TMEM131: variants seen among roughly 807,000 people sequenced by gnomAD.
The protein encoded by TMEM131 is 2610524E03Rik.
TMEM131 carries 66 observed loss-of-function variants against 211.6 expected under a neutral mutation model. The ratio of observed to expected loss-of-function variants is 0.31; its 90% CI spans 0.26 to 0.38. The LOEUF (loss-of-function observed/expected upper bound fraction) is 0.38. Ranked by LOEUF, TMEM131 falls within the 10% of genes least tolerant of loss-of-function variation. TMEM131 has a pLI of 1.00. For synonymous variants in TMEM131, 844 were observed against 841.3 expected (o/e 1.00, Z -0.06); for missense variants, 2,036 against 2,299.3 (o/e 0.89, Z 2.34).
chr2:97,836,178 C>T (rs951370199), intron 8 of TMEM131, among the ~76,000 whole-genome samples: 9 of 152,156 alleles, frequency 5.9e-5, no homozygotes, highest in Non-Finnish European at 1.0e-4. Flanking sequence ...TTTCTATATT[C>T]TGGGAATTAA....
At chr2:97,841,600 A>T (rs1210804504) in intron 7 of TMEM131, among the ~76,000 whole-genome samples, 1 of 151,846 alleles carries the variant, frequency 6.6e-6, no homozygotes, top group Non-Finnish European at 1.5e-5. Flanking sequence ...TGATTCAAAA[A>T]ATTCAAAATC....
At position 97,995,784 on chromosome 2, in the gene TMEM131, G is replaced by T; in HGVS notation, c.-122C>A. The T allele has an allele frequency of 1.5e-6, 1 of 688,644 alleles. No individual in the cohort carries two copies. The highest frequency in any genetic ancestry group is 1.9e-6 in the Non-Finnish European group (1 of 525,596). The allele number at this position is 688,644 out of a possible 1,614,324, so 42.7% of individuals were successfully genotyped here. ...GCGCCGGGAGCGACAACGGTTGCGA[G>T]CCCGGGGCTCGATCTCCGAGCGTGG... is the stretch of plus-strand genomic sequence containing the variant. On this transcript the variant is annotated 5_prime_UTR_variant, in exon 1 of 41. Coordinates refer to ENST00000186436, the MANE Select transcript of TMEM131 (RefSeq NM_015348.2).
chr2:97,909,268 T>C (rs1676200403), intron 2 of TMEM131, among the ~76,000 whole-genome samples: 2 of 152,128 alleles, frequency 1.3e-5, no homozygotes, highest in South Asian at 4.2e-4. Context: ...TGGATGGTGG[T>C]AGAGAAAACA....
At chr2:97,889,887 G>A (rs1675310785) in intron 3 of TMEM131, among the ~76,000 whole-genome samples, 1 of 152,160 alleles carries the variant, frequency 6.6e-6, no homozygotes, top group South Asian at 2.1e-4. Flanking sequence ...CTCCTAGTAG[G>A]GGGAACAAAA....
chr2:97,931,922 A>G (rs2104457655), intron 1 of TMEM131, among the ~76,000 whole-genome samples: 1 of 152,300 alleles, frequency 6.6e-6, no homozygotes, highest in South Asian at 2.1e-4. Flanking sequence ...CAGCCCAGTT[A>G]TCCTCTATTA....
intron 3 of TMEM131, among the ~76,000 whole-genome samples, chr2:97,895,653 C>T (rs369954948): frequency 7.2e-5 from 11 of 152,244 alleles, no homozygotes; most frequent in African/African-American, 2.4e-4. Flanking sequence ...AGTTTATTTG[C>T]GTAGAGGTGT....
chr2:97,993,751 T>C (rs1680362781), intron 1 of TMEM131, among the ~76,000 whole-genome samples: 1 of 152,194 alleles, frequency 6.6e-6, no homozygotes, highest in Admixed American at 6.5e-5. Context: ...ATTAGAGAGG[T>C]GCACTAACAT....
At chr2:97,974,522 A>G (rs1325433898) in intron 1 of TMEM131, among the ~76,000 whole-genome samples, 1 of 152,104 alleles carries the variant, frequency 6.6e-6, no homozygotes, top group Non-Finnish European at 1.5e-5. Flanking sequence ...TGAGCTCAAC[A>G]AACATGAAAA....
intron 4 of TMEM131, among the ~76,000 whole-genome samples, chr2:97,878,381 C>A (rs1674783170): frequency 6.6e-6 from 1 of 152,166 alleles, no homozygotes; most frequent in African/African-American, 2.4e-5. Flanking sequence ...AATCATTCTA[C>A]TATAAAGACA....
rs570209514 is a variant in TMEM131, at chr2:97,803,957, T to C, written c.2402+1131A>G. 4.3e-4 allele frequency among the ~76,000 whole-genome samples: 66 copies of C among 152,254 alleles called. 1 individual carries two copies. Among genetic ancestry groups the C allele is most frequent in the Non-Finnish European group, 7.2e-4 (49 of 68,044 alleles). ...TAGCAAGTCCATTAGAGGAAGTCTCTTTTGTATTCATTTTAACCATCTTTT... is the reference window on the plus strand; with the variant it reads ...TAGCAAGTCCATTAGAGGAAGTCTCCTTTGTATTCATTTTAACCATCTTTT... On this transcript the variant is annotated intron_variant, in intron 22 of 40. Coordinates refer to ENST00000186436, the MANE Select transcript of TMEM131 (RefSeq NM_015348.2).
At chr2:97,826,285 G>A (rs1682376785) in intron 11 of TMEM131, among the ~76,000 whole-genome samples, 1 of 152,132 alleles carries the variant, frequency 6.6e-6, no homozygotes, top group Non-Finnish European at 1.5e-5. Context: ...AACTGAGAAA[G>A]GGAAAAAGAA....
At chr2:97,979,132 G>A (rs1679675344) in intron 1 of TMEM131, among the ~76,000 whole-genome samples, 2 of 152,126 alleles carry the variant, frequency 1.3e-5, no homozygotes, top group Admixed American at 1.3e-4. Context: ...TCTCAACAGT[G>A]GGCTTAAAAT....
intron 4 of TMEM131, among the ~76,000 whole-genome samples, chr2:97,876,399 C>CA (rs1674695623): frequency 6.6e-6 from 1 of 151,966 alleles, no homozygotes. Context: ...AGAGACATAA[C>CA]AAAAAAAGAA....
intron 31 of TMEM131, among the ~76,000 whole-genome samples, chr2:97,787,227 A>C (rs1244492663): frequency 6.6e-6 from 1 of 152,230 alleles, no homozygotes; most frequent in Non-Finnish European, 1.5e-5. Context: ...ATGCTGTGTA[A>C]TGAATTTGTC....
chr2:97,849,852 A>C (rs952296266), intron 5 of TMEM131, among the ~76,000 whole-genome samples: 1 of 151,512 alleles, frequency 6.6e-6, no homozygotes, highest in South Asian at 2.1e-4. Context: ...AGAACAAATA[A>C]TTGAATGTTC....
At chr2:97,952,675 G>A (rs1377683748) in intron 1 of TMEM131, among the ~76,000 whole-genome samples, 2 of 152,034 alleles carry the variant, frequency 1.3e-5, no homozygotes, top group African/African-American at 4.8e-5. Context: ...CCAGGAGCTC[G>A]AGACCAGCCT....
At chr2:97,903,443 G>C (rs1675939657) in intron 3 of TMEM131, among the ~76,000 whole-genome samples, 1 of 152,188 alleles carries the variant, frequency 6.6e-6, no homozygotes, top group Non-Finnish European at 1.5e-5. Flanking sequence ...TTCCAGGCAA[G>C]AATCATCAGT....
At chr2:97,885,782 AT>A (rs1198221732) in intron 4 of TMEM131, among the ~76,000 whole-genome samples, 1 of 152,202 alleles carries the variant, frequency 6.6e-6, no homozygotes, top group Non-Finnish European at 1.5e-5. Context: ...TCTAATTGGA[AT>A]TCTTTGAGTT....
At chr2:97,799,215 G>A (rs1044761187) in intron 25 of TMEM131, among the ~76,000 whole-genome samples, 2 of 151,960 alleles carry the variant, frequency 1.3e-5, no homozygotes, top group Admixed American at 6.6e-5. Context: ...CATCAAAGCA[G>A]TGGTATCAAA....
Sources: gnomAD v4.1 joint callset for allele counts (sites outside exome capture counted in the v4.1 genomes callset) on GRCh38, gnomAD v4.1.1 for gene constraint, MANE v1.5 for transcripts, NCBI Gene and HGNC (gene_info 2026-07-23, HGNC 2026-07-21) for gene names.